Variants in KCNJ15 observed in about 807,000 individuals in gnomAD.
KCNJ15 encodes the protein ATP-sensitive inward rectifier potassium channel 15.
KCNJ15 carries 14 observed loss-of-function variants against 23.0 expected under a neutral mutation model. That is an observed-to-expected ratio of 0.61 (90% CI 0.40 to 0.95). KCNJ15 has a LOEUF of 0.95. Ranked by LOEUF, KCNJ15 falls within the 40% of genes least tolerant of loss-of-function variation. The pLI is 0.00. For missense variants in KCNJ15, 388 were observed against 461.8 expected (o/e 0.84, Z 1.46); for synonymous variants, 185 against 183.2 (o/e 1.01, Z -0.08).
At chr21:38,278,785 G>A (rs1983008252) in intron 1 of KCNJ15, among the ~76,000 whole-genome samples, 1 of 152,164 alleles carries the variant, frequency 6.6e-6, no homozygotes, top group South Asian at 2.1e-4. Context: ...CATTCTGCAT[G>A]ACCTGACCAG....
chr21:38,250,478 T>A (rs543957835), intron 1 of KCNJ15, among the ~76,000 whole-genome samples: 1 of 152,282 alleles, frequency 6.6e-6, no homozygotes, highest in Non-Finnish European at 1.5e-5. Flanking sequence ...GGCCAAGAAC[T>A]AAACTTGGAA....
chr21:38,284,625 T>C (rs771363284), intron 1 of KCNJ15, among the ~76,000 whole-genome samples: 1 of 152,256 alleles, frequency 6.6e-6, no homozygotes, highest in Non-Finnish European at 1.5e-5. Flanking sequence ...AAAAGCAAGT[T>C]TGATCCTTTC....
intron 1 of KCNJ15, among the ~76,000 whole-genome samples, chr21:38,230,049 ATAAC>A (rs2123529089): frequency 6.6e-6 from 1 of 152,314 alleles, no homozygotes; most frequent in South Asian, 2.1e-4. Flanking sequence ...TCTTGGGTAT[ATAAC>A]TAAGAATAGA....
chr21:38,288,992 G>A (rs993732385), intron 1 of KCNJ15, among the ~76,000 whole-genome samples: 4 of 152,052 alleles, frequency 2.6e-5, no homozygotes, highest in Non-Finnish European at 4.4e-5. Context: ...TTGAGGTCAG[G>A]AGTTCGAGAG....
intron 1 of KCNJ15, among the ~76,000 whole-genome samples, chr21:38,244,287 T>C (rs1341409655): frequency 6.6e-6 from 1 of 152,150 alleles, no homozygotes; most frequent in African/African-American, 2.4e-5. Context: ...TAAGCCAGAT[T>C]GTACCTCCTT....
rs2146353062 is a variant in KCNJ15 at position 38,299,167 on chromosome 21, AC to A, written c.-18-76del. ...TGTACTTCCATGTACATTCATACTT[AC>A]TTCACATGATGATTCTATTTTCTGG... On this transcript the variant is annotated intron_variant, in intron 2 of 2. Coordinates refer to ENST00000398938, the MANE Select transcript of KCNJ15 (RefSeq NM_170736.3). The surrounding 1 kb of genome is among the most constrained non-coding windows in gnomAD (Gnocchi z 4.5). 7.3e-6 allele frequency: 8 copies of A among 1,095,156 alleles called. No individual in the cohort carries two copies. The highest frequency in any genetic ancestry group is 1.1e-5 in the Non-Finnish European group (8 of 747,540). 67.8% of individuals were successfully genotyped at this position (1,095,156 alleles called of 1,614,324 possible). A position where few individuals can be genotyped will look rare whatever the true frequency, so the allele number is the denominator to read the frequency against.
At chr21:38,238,268 T>A in intron 1 of KCNJ15, 14 of 680,544 alleles carry the variant, frequency 2.1e-5, no homozygotes, top group South Asian at 1.9e-4. Context: ...GGATCCATGA[T>A]GAGCATTGAG....
chr21:38,273,305 C>T (rs902670146), intron 1 of KCNJ15, among the ~76,000 whole-genome samples: 4 of 152,174 alleles, frequency 2.6e-5, no homozygotes, highest in Admixed American at 6.5e-5. Flanking sequence ...CTGGTTAACT[C>T]TTACTGGCAA....
chr21:38,233,764 T>C (rs751644414), intron 1 of KCNJ15, among the ~76,000 whole-genome samples: 5 of 152,164 alleles, frequency 3.3e-5, no homozygotes, highest in Non-Finnish European at 7.4e-5. Flanking sequence ...ATCAGAATGA[T>C]GTGTACTACC....
intron 1 of KCNJ15, among the ~76,000 whole-genome samples, chr21:38,262,310 C>T (rs1980996852): frequency 6.6e-6 from 1 of 152,170 alleles, no homozygotes; most frequent in Non-Finnish European, 1.5e-5. Context: ...CTGTGACTAG[C>T]ATGCTCTAAA....
intron 1 of KCNJ15, among the ~76,000 whole-genome samples, chr21:38,275,828 G>A (rs1453991417): frequency 6.6e-6 from 1 of 152,116 alleles, no homozygotes; most frequent in Non-Finnish European, 1.5e-5. Context: ...AATTCCCCTT[G>A]TCTGTAATCT....
At chr21:38,256,305 C>T (rs528143257), upstream of KCNJ15, among the ~76,000 whole-genome samples, 10 of 148,478 alleles carry the variant, frequency 6.7e-5, no homozygotes, top group East Asian at 3.9e-4. Context: ...ACATGTATCC[C>T]GAAGCCCAAT....
Position 38,299,703 on chromosome 21 carries a change from G to T in KCNJ15, c.442G>T (p.Ala148Ser), listed in dbSNP as rs781086925. Reference protein sequence around the residue: ...ECPHAIFLLVAQLVITTLIEI... With the variant: ...ECPHAIFLLVSQLVITTLIEI... ...TCCTCATGCCATCTTCCTGTTGGTTGCTCAGTTGGTCATCACGACCTTGAT... is the reference window on the plus strand; with the variant it reads ...TCCTCATGCCATCTTCCTGTTGGTTTCTCAGTTGGTCATCACGACCTTGAT... Residue 148 changes from alanine to serine, a missense_variant, in exon 3 of 3, where the codon GCT becomes TCT. Physicochemically the swap from Ala to Ser is moderately conservative, Grantham distance 99. Coordinates refer to ENST00000398938, the MANE Select transcript of KCNJ15 (RefSeq NM_170736.3). This position sits in a 1 kb window ranked among gnomAD's most constrained non-coding sequence, Gnocchi z 4.5. 1.2e-6 allele frequency: 2 copies of T among 1,614,092 alleles called. No homozygotes were observed. The highest frequency in any genetic ancestry group is 2.2e-5 in the South Asian group (2 of 91,074).
chr21:38,301,786 G>A lies in KCNJ15; in HGVS notation c.*1397G>A, dbSNP rs1046007539. The A allele has an allele frequency of 6.0e-6, 1 of 166,952 alleles. No individual in the cohort carries two copies. Among genetic ancestry groups the A allele is most frequent in the Non-Finnish European group, 1.5e-5 (1 of 68,110 alleles). The allele number at this position is 166,952 out of a possible 1,614,324, so 10.3% of individuals were successfully genotyped here. ...GGTCTAGTGCCCTGCATTCCTTTGA[G>A]GCAAAAAATAAATGGGCTATGACTG... On this transcript the variant is annotated 3_prime_UTR_variant, in exon 3 of 3. Coordinates refer to ENST00000398938, the MANE Select transcript of KCNJ15 (RefSeq NM_170736.3).
chr21:38,300,557 CTG>C lies in KCNJ15; in HGVS notation c.*172_*173del. On this transcript the variant is annotated 3_prime_UTR_variant, in exon 3 of 3. Coordinates refer to ENST00000398938, the MANE Select transcript of KCNJ15 (RefSeq NM_170736.3). ...TGATCTTGTGGCTAAACCAGCATTTCTGTGTTTGAGAGATTTCCTGTTAGGTG... is the reference window on the plus strand; with the variant it reads ...TGATCTTGTGGCTAAACCAGCATTTCTGTTTGAGAGATTTCCTGTTAGGTG... The C allele has an allele frequency of 1.7e-6, 1 of 605,542 alleles. No individual in the cohort carries two copies. The highest frequency in any genetic ancestry group is 2.9e-6 in the Non-Finnish European group (1 of 345,650). 37.5% of individuals were successfully genotyped at this position (605,542 alleles called of 1,614,324 possible). A position where few individuals can be genotyped will look rare whatever the true frequency, so the allele number is the denominator to read the frequency against.
intron 1 of KCNJ15, among the ~76,000 whole-genome samples, chr21:38,259,492 T>C (rs1980658954): frequency 6.6e-6 from 1 of 152,240 alleles, no homozygotes; most frequent in Non-Finnish European, 1.5e-5. Flanking sequence ...TTAAATCATG[T>C]ATCTCTAAAT....
At chr21:38,238,968 A>C (rs1345379620) in intron 1 of KCNJ15, among the ~76,000 whole-genome samples, 1 of 152,190 alleles carries the variant, frequency 6.6e-6, no homozygotes, top group East Asian at 1.9e-4. Flanking sequence ...GAAGATCTGC[A>C]AGTTAAAGCC....
chr21:38,303,588 T>C lies in KCNJ15; in HGVS notation c.*3199T>C, dbSNP rs1288450638. ...GCTCCCTTTTTCATCCTGGGGAAATTACAACACAACGCAGAGTGTCCAGAA... is the reference window on the plus strand; with the variant it reads ...GCTCCCTTTTTCATCCTGGGGAAATCACAACACAACGCAGAGTGTCCAGAA... On this transcript the variant is annotated 3_prime_UTR_variant, in exon 3 of 3. Transcript: ENST00000398938. The C allele has an allele frequency of 6.6e-6, 1 of 151,994 alleles. No homozygotes were observed. The highest frequency in any genetic ancestry group is 1.9e-4 in the East Asian group (1 of 5,146). The allele number at this position is 151,994 out of a possible 1,614,324, so 9.4% of individuals were successfully genotyped here.
At chr21:38,250,711 A>G (rs1187241509) in intron 1 of KCNJ15, among the ~76,000 whole-genome samples, 1 of 152,226 alleles carries the variant, frequency 6.6e-6, no homozygotes, top group African/African-American at 2.4e-5. Context: ...TTGTTTTTAA[A>G]GCTGAAATGT....
Sources: allele counts gnomAD v4.1 joint callset (sites outside exome capture counted in the v4.1 genomes callset), GRCh38; gene constraint gnomAD v4.1.1; non-coding constraint Gnocchi (gnomAD v3.1); transcripts MANE v1.5; gene names NCBI Gene and HGNC (gene_info 2026-07-23, HGNC 2026-07-21).